The following ZPBP variants were observed in gnomAD, a reference collection of about 807,000 sequenced individuals.
ZPBP encodes zona pellucida-binding protein 1.
In ZPBP, 26 loss-of-function variants were observed where a neutral mutation model predicts 44.8. The observed-to-expected ratio is 0.58, with a 90% CI of 0.43 to 0.81. The LOEUF (loss-of-function observed/expected upper bound fraction) is 0.81, where lower values mean the gene tolerates loss of function less well. Ranked by LOEUF, ZPBP falls within the 30% of genes least tolerant of loss-of-function variation. The probability of loss-of-function intolerance (pLI) is 0.00; values close to 1 mark genes in which losing one functional copy is unlikely to be tolerated. For synonymous variants in ZPBP, 174 were observed against 153.2 expected (o/e 1.14, Z -1.00); for missense variants, 409 against 434.0 (o/e 0.94, Z 0.51).
At chr7:49,867,940 T>A (rs1049145787) in intron 2 of ZPBP, among the ~76,000 whole-genome samples, 42 of 152,188 alleles carry the variant, frequency 2.8e-4, no homozygotes, top group African/African-American at 9.9e-4. Flanking sequence ...TTCAAGCAAT[T>A]CTCCTGTCTC....
At chr7:49,904,199 G>T (rs1014016783) in intron 1 of ZPBP, among the ~76,000 whole-genome samples, 1 of 152,146 alleles carries the variant, frequency 6.6e-6, no homozygotes, top group African/African-American at 2.4e-5. Flanking sequence ...TTTACAGGCT[G>T]CTCTTTGTTA....
At chr7:49,964,958 C>T (rs1417094979) in intron 7 of ZPBP, among the ~76,000 whole-genome samples, 1 of 152,046 alleles carries the variant, frequency 6.6e-6, no homozygotes, top group East Asian at 1.9e-4. Flanking sequence ...ATGAAAATAA[C>T]CAATGTTCAC....
intron 5 of ZPBP, among the ~76,000 whole-genome samples, chr7:50,024,124 T>C (rs1301406250): frequency 3.3e-5 from 5 of 152,000 alleles, no homozygotes; most frequent in Admixed American, 2.6e-4. Flanking sequence ...ATCTCATGCC[T>C]GCAGGATGGC....
chr7:49,918,610 G>C lies in ZPBP; in HGVS notation n.411+17141C>G, dbSNP rs1793847828. ...TTTACAAAATATAACCAAATATTGTGACCCAGTTTTTCTGGAGCCAAGAGA... is the reference window on the plus strand; with the variant it reads ...TTTACAAAATATAACCAAATATTGTCACCCAGTTTTTCTGGAGCCAAGAGA... On this transcript the variant is annotated intron_variant and non_coding_transcript_variant, in intron 1 of 2. Coordinates refer to the ZPBP transcript ENST00000465922. The C allele has an allele frequency of 1.3e-5, 2 of 152,114 alleles. 1 individual carries two copies. Among genetic ancestry groups the C allele is most frequent in the South Asian group, 4.1e-4 (2 of 4,830 alleles). 9.4% of individuals were successfully genotyped at this position (152,114 alleles called of 1,614,324 possible).
At chr7:49,898,112 T>C (rs1406911262) in intron 2 of ZPBP, among the ~76,000 whole-genome samples, 2 of 152,070 alleles carry the variant, frequency 1.3e-5, no homozygotes. Context: ...GCTTTACATA[T>C]ATGTGTGTGT....
intron 7 of ZPBP, among the ~76,000 whole-genome samples, chr7:49,959,039 C>CA (rs1265399772): frequency 6.6e-6 from 1 of 152,078 alleles, no homozygotes; most frequent in Non-Finnish European, 1.5e-5. Flanking sequence ...ATTAAAGAGT[C>CA]AATCAAAGCA....
intron 6 of ZPBP, 95 bp from the exon 7 acceptor site, chr7:49,983,614 CA>C (rs773150161): frequency 6.6e-6 from 5 of 755,034 alleles, no homozygotes; most frequent in Non-Finnish European, 1.1e-5. Flanking sequence ...TTAAAGAAAA[CA>C]AAGTCTCAAG....
At chr7:50,015,927 G>C (rs911195951) in intron 6 of ZPBP, among the ~76,000 whole-genome samples, 2 of 152,104 alleles carry the variant, frequency 1.3e-5, no homozygotes, top group African/African-American at 4.8e-5. Context: ...TGTTGGTAAG[G>C]TTATAGAGAA....
At chr7:49,860,296 T>G (rs1790597965) in intron 2 of ZPBP, among the ~76,000 whole-genome samples, 1 of 152,234 alleles carries the variant, frequency 6.6e-6, no homozygotes, top group African/African-American at 2.4e-5. Flanking sequence ...GAATCTAATT[T>G]ATGTCTCTAA....
chr7:50,059,641 A>G (rs1391618805), intron 3 of ZPBP, among the ~76,000 whole-genome samples: 21 of 152,238 alleles, frequency 1.4e-4, no homozygotes, highest in Admixed American at 1.4e-3. Flanking sequence ...TAAAGAAATT[A>G]TAGAATATTA....
At chr7:50,068,729 G>T (rs1338558563) in intron 3 of ZPBP, among the ~76,000 whole-genome samples, 1 of 152,056 alleles carries the variant, frequency 6.6e-6, no homozygotes, top group African/African-American at 2.4e-5. Context: ...CACACCTATG[G>T]AGCTTCTAAC....
At chr7:49,981,683 A>ATATTATATATCTTGAT (rs1431669487) in intron 7 of ZPBP, among the ~76,000 whole-genome samples, 5 of 42,176 alleles carry the variant, frequency 1.2e-4, no homozygotes, top group African/African-American at 9.2e-4. Context: ...TATTATATAT[A>ATATTATATATCTTGAT]ATAATATATA....
At chr7:49,851,854 T>TA (rs77423510) in intron 2 of ZPBP, among the ~76,000 whole-genome samples, 178 of 136,274 alleles carry the variant, frequency 1.3e-3, no homozygotes, top group East Asian at 3.8e-3. Context: ...AGACTCTGTC[T>TA]AAAAAAAAAA....
intron 2 of ZPBP, among the ~76,000 whole-genome samples, chr7:49,885,112 G>A (rs1791840146): frequency 6.6e-6 from 1 of 151,954 alleles, no homozygotes; most frequent in South Asian, 2.1e-4. Flanking sequence ...TATAATCTGG[G>A]TTCACTAAAA....
intron 2 of ZPBP, 41 bp from the exon 3 acceptor site, chr7:50,081,940 C>T (rs1802378610): frequency 6.3e-7 from 1 of 1,599,200 alleles, no homozygotes; most frequent in Non-Finnish European, 8.5e-7. Context: ...AGTATTTTAT[C>T]TTCTTTTCTT....
chr7:49,958,884 G>A (rs950561765), intron 7 of ZPBP, among the ~76,000 whole-genome samples: 39 of 152,070 alleles, frequency 2.6e-4, no homozygotes, highest in African/African-American at 7.0e-4. Context: ...CAGCATAACC[G>A]TAATCCAAAA....
At chr7:50,059,204 A>G (rs1801124760) in intron 3 of ZPBP, among the ~76,000 whole-genome samples, 1 of 152,194 alleles carries the variant, frequency 6.6e-6, no homozygotes, top group African/African-American at 2.4e-5. Context: ...TAAATGATTT[A>G]TTGCTTATAA....
chr7:49,898,151 A>G (rs1792488058), intron 2 of ZPBP, among the ~76,000 whole-genome samples: 1 of 151,934 alleles, frequency 6.6e-6, no homozygotes. Flanking sequence ...GTGTGTATAT[A>G]TATGTGTATG....
At chr7:49,874,548 ATG>A (rs3062201) in intron 2 of ZPBP, among the ~76,000 whole-genome samples, 104,993 of 147,622 alleles carry the variant, frequency 0.71, 36,924 homozygotes, top group East Asian at 0.88. Flanking sequence ...ATGACTATAT[ATG>A]TGTGTGTGTG....
Sources: allele counts gnomAD v4.1 joint callset (sites outside exome capture counted in the v4.1 genomes callset), GRCh38; gene constraint gnomAD v4.1.1; transcripts MANE v1.5; gene names NCBI Gene and HGNC (gene_info 2026-07-23, HGNC 2026-07-21).